RBMS3: variants seen among roughly 807,000 people sequenced by gnomAD.
The protein encoded by RBMS3 is RNA-binding motif, single-stranded-interacting protein 3.
A neutral mutation model predicts 66.8 loss-of-function variants in RBMS3; 27 were observed. That is an observed-to-expected ratio of 0.40 (90% CI 0.30 to 0.56). The LOEUF (loss-of-function observed/expected upper bound fraction) is 0.56. Ranked by LOEUF, RBMS3 falls within the 20% of genes least tolerant of loss-of-function variation. The pLI is 0.40. For synonymous variants in RBMS3, 188 were observed against 183.0 expected (o/e 1.03, Z -0.22); for missense variants, 513 against 549.5 (o/e 0.93, Z 0.66).
rs759100255 is a variant in RBMS3 at position 29,395,078 on chromosome 3, G to C, written c.76-39665G>C. The stretch of plus-strand genomic sequence containing the variant: ...TGTTTAGTTTTATGTATGCTGGGTT[G>C]GGGGGGTTAATCTGTAAAGAAGAAT... On this transcript the variant is annotated intron_variant, in intron 1 of 14. Transcript: ENST00000383767. Among the ~76,000 whole-genome samples, 6 of 152,062 alleles carry C rather than the reference G, an allele frequency of 3.9e-5. No individual in the cohort carries two copies. The South Asian group carries it at 1.2e-3, about 32-fold the overall frequency.
chr3:29,367,586 CAT>C (rs2037979434), intron 1 of RBMS3, among the ~76,000 whole-genome samples: 1 of 152,004 alleles, frequency 6.6e-6, no homozygotes, highest in African/African-American at 2.4e-5. Context: ...ACAAATAAAG[CAT>C]AATACTCAAA....
At chr3:29,373,965 G>A (rs550382156) in intron 1 of RBMS3, among the ~76,000 whole-genome samples, 2 of 152,294 alleles carry the variant, frequency 1.3e-5, no homozygotes, top group South Asian at 2.1e-4. Context: ...TGGATGGGTG[G>A]TCAGCATTAG....
intron 12 of RBMS3, among the ~76,000 whole-genome samples, chr3:29,987,007 CT>C (rs1225139768): frequency 6.6e-6 from 1 of 152,118 alleles, no homozygotes; most frequent in Non-Finnish European, 1.5e-5. Context: ...AGATGCTTTC[CT>C]TGATTCAGAA....
intron 3 of RBMS3, among the ~76,000 whole-genome samples, chr3:29,511,923 G>A (rs907100560): frequency 6.6e-6 from 1 of 152,042 alleles, no homozygotes; most frequent in African/African-American, 2.4e-5. Flanking sequence ...GAATTCCCTG[G>A]AGAGAAGAAG....
chr3:29,547,938 G>T (rs1040932996), intron 3 of RBMS3, among the ~76,000 whole-genome samples: 1 of 151,444 alleles, frequency 6.6e-6, no homozygotes, highest in African/African-American at 2.4e-5. Context: ...TGGATTACAG[G>T]CATGCACCAC....
intron 4 of RBMS3, among the ~76,000 whole-genome samples, chr3:29,587,839 T>G (rs1407551795): frequency 2.0e-5 from 3 of 152,022 alleles, no homozygotes; most frequent in Non-Finnish European, 4.4e-5. Flanking sequence ...TAAGTATCAT[T>G]AAATAGAATA....
At chr3:29,327,683 G>A (rs1335560050) in intron 1 of RBMS3, among the ~76,000 whole-genome samples, 1 of 152,184 alleles carries the variant, frequency 6.6e-6, no homozygotes, top group Non-Finnish European at 1.5e-5. Context: ...GTGTTCTTGT[G>A]TATTGCACAG....
At chr3:29,785,555 A>G (rs536585511) in intron 6 of RBMS3, among the ~76,000 whole-genome samples, 1 of 152,058 alleles carries the variant, frequency 6.6e-6, no homozygotes, top group Non-Finnish European at 1.5e-5. Context: ...ATAGTATAAC[A>G]TAACATAGTA....
intron 4 of RBMS3, among the ~76,000 whole-genome samples, chr3:29,728,719 A>G (rs1444378959): frequency 6.6e-6 from 1 of 152,170 alleles, no homozygotes; most frequent in African/African-American, 2.4e-5. Flanking sequence ...CTCTCTTTGG[A>G]AAGACTAGGA....
intron 6 of RBMS3, among the ~76,000 whole-genome samples, chr3:29,814,248 T>C (rs1452279204): frequency 6.6e-6 from 1 of 152,092 alleles, no homozygotes; most frequent in Non-Finnish European, 1.5e-5. Context: ...TCATGTGGTT[T>C]TTGTCTTTGG....
chr3:29,816,031 C>A (rs1301159009), intron 6 of RBMS3, among the ~76,000 whole-genome samples: 3 of 151,912 alleles, frequency 2.0e-5, no homozygotes, highest in Non-Finnish European at 4.4e-5. Flanking sequence ...TGGCTACTTG[C>A]CATATCTCAG....
chr3:29,804,107 A>G (rs1006397667), intron 6 of RBMS3, among the ~76,000 whole-genome samples: 1 of 152,098 alleles, frequency 6.6e-6, no homozygotes, highest in African/African-American at 2.4e-5. Context: ...CACTTTATAC[A>G]AGCAGATTTG....
chr3:29,487,780 TA>T (rs1240256946), intron 2 of RBMS3, among the ~76,000 whole-genome samples: 1 of 152,126 alleles, frequency 6.6e-6, no homozygotes, highest in Non-Finnish European at 1.5e-5. Context: ...AATCATTATT[TA>T]AATAAATGTA....
rs916646251 is a variant in RBMS3 at position 29,730,109 on chromosome 3, G to A, written c.400-9611G>A. On this transcript the variant is annotated intron_variant, in intron 4 of 14. Coordinates refer to ENST00000383767, the MANE Select transcript of RBMS3 (RefSeq NM_001003793.3). ...ATGATATTAATGTTAATCTTATATGGCAATGGATAATTTTAGTACAAGTAT... is the reference window on the plus strand; with the variant it reads ...ATGATATTAATGTTAATCTTATATGACAATGGATAATTTTAGTACAAGTAT... 2.0e-5 allele frequency among the ~76,000 whole-genome samples: 3 copies of A among 151,576 alleles called. No homozygotes were observed. The East Asian group carries it at 5.8e-4, about 29-fold the overall frequency.
chr3:29,748,875 G>T (rs9856399), intron 5 of RBMS3, among the ~76,000 whole-genome samples: 4 of 151,794 alleles, frequency 2.6e-5, no homozygotes, highest in Admixed American at 6.6e-5. Context: ...TGTGGGGAAG[G>T]GGCAGGGGAG....
chr3:29,381,287 A>T (rs2038754853), intron 1 of RBMS3, among the ~76,000 whole-genome samples: 1 of 152,202 alleles, frequency 6.6e-6, no homozygotes, highest in African/African-American at 2.4e-5. Flanking sequence ...GAAGCAAGGA[A>T]GTGTAAGTGC....
intron 6 of RBMS3, among the ~76,000 whole-genome samples, chr3:29,846,056 T>G (rs1439897129): frequency 6.6e-6 from 1 of 151,718 alleles, no homozygotes; most frequent in Non-Finnish European, 1.5e-5. Flanking sequence ...GACCTTTTTG[T>G]CTATGAAAAA....
chr3:29,785,890 G>A (rs1055109665), intron 6 of RBMS3, among the ~76,000 whole-genome samples: 5 of 151,942 alleles, frequency 3.3e-5, no homozygotes, highest in Non-Finnish European at 1.5e-5. Flanking sequence ...TAGATAAATA[G>A]GAAGTCAAAC....
intron 3 of RBMS3, among the ~76,000 whole-genome samples, chr3:29,505,996 A>G (rs2044168757): frequency 6.6e-6 from 1 of 151,912 alleles, no homozygotes; most frequent in Non-Finnish European, 1.5e-5. Flanking sequence ...AGGCTACATT[A>G]TAGATAAAAT....
Sources: allele counts gnomAD v4.1 joint callset (sites outside exome capture counted in the v4.1 genomes callset), GRCh38; gene constraint gnomAD v4.1.1; transcripts MANE v1.5; gene names NCBI Gene and HGNC (gene_info 2026-07-23, HGNC 2026-07-21).